ASH1L: variants seen among roughly 807,000 people sequenced by gnomAD.
ASH1L encodes the protein ASH1 like histone lysine methyltransferase, also known as histone-lysine N-methyltransferase ASH1L.
ASH1L carries 23 observed loss-of-function variants against 269.0 expected under a neutral mutation model. That is an observed-to-expected ratio of 0.09 (90% CI 0.06 to 0.12). The LOEUF (loss-of-function observed/expected upper bound fraction) is 0.12, where lower values mean the gene tolerates loss of function less well. ASH1L is among the 10% of genes least tolerant of loss of function. The pLI is 1.00. For missense variants in ASH1L, 2,912 were observed against 3,567.8 expected, an observed-to-expected ratio of 0.82 and a Z score of 4.68; for synonymous variants, 1,187 against 1,253.5, an observed-to-expected ratio of 0.95 and a Z score of 1.12.
At chr1:155,444,223 C>G (rs2148635988) in intron 4 of ASH1L, among the ~76,000 whole-genome samples, 1 of 152,216 alleles carries the variant, frequency 6.6e-6, no homozygotes, top group East Asian at 1.9e-4. Flanking sequence ...CTCAAATGAT[C>G]CACCTGCCTT....
At chr1:155,526,445 T>C (rs1405665320) in intron 1 of ASH1L, among the ~76,000 whole-genome samples, 1 of 152,224 alleles carries the variant, frequency 6.6e-6, no homozygotes, top group Admixed American at 6.5e-5. Flanking sequence ...ATTTTATACA[T>C]CTTCTGTCTC....
intron 5 of ASH1L, chr1:155,433,636 C>A (rs1236897260): frequency 1.2e-6 from 2 of 1,608,004 alleles, no homozygotes; most frequent in Non-Finnish European, 1.7e-6. Flanking sequence ...TTGCCAAGCT[C>A]CTGAAGCAGA....
intron 6 of ASH1L, chr1:155,396,428 C>T (rs966293454): frequency 2.0e-5 from 3 of 152,060 alleles, no homozygotes; most frequent in Non-Finnish European, 4.4e-5. Flanking sequence ...GGTTCTCCTG[C>T]CTTAGCTTCC....
At chr1:155,376,844 G>T (rs1289202725) in intron 10 of ASH1L, among the ~76,000 whole-genome samples, 1 of 149,928 alleles carries the variant, frequency 6.7e-6, no homozygotes, top group Non-Finnish European at 1.5e-5. Context: ...AACAGAGCTA[G>T]ACTCCATCTC....
At chr1:155,497,599 A>G (rs1667234429) in intron 2 of ASH1L, among the ~76,000 whole-genome samples, 1 of 152,212 alleles carries the variant, frequency 6.6e-6, no homozygotes, top group African/African-American at 2.4e-5. Context: ...CTTCTGGTCA[A>G]CAGTAGACTA....
chr1:155,452,042 ATT>A (rs562050378), intron 4 of ASH1L, among the ~76,000 whole-genome samples: 16 of 138,468 alleles, frequency 1.2e-4, no homozygotes, highest in South Asian at 2.3e-4. Context: ...TAAGATGGTA[ATT>A]TTTTTTTTTT....
At chr1:155,404,873 C>T (rs914845697) in intron 6 of ASH1L, among the ~76,000 whole-genome samples, 5 of 150,992 alleles carry the variant, frequency 3.3e-5, no homozygotes, top group African/African-American at 1.2e-4. Context: ...ACTAAAAACA[C>T]AAAAATCAGC....
intron 4 of ASH1L, among the ~76,000 whole-genome samples, chr1:155,443,540 T>C (rs151301522): frequency 1.5e-3 from 221 of 152,346 alleles, no homozygotes; most frequent in Non-Finnish European, 2.3e-3. Flanking sequence ...AACCAATATA[T>C]AGAACATTTC....
chr1:155,364,844 A>C (rs1655262645), intron 12 of ASH1L, among the ~76,000 whole-genome samples: 1 of 146,034 alleles, frequency 6.8e-6, no homozygotes, highest in South Asian at 2.3e-4. Flanking sequence ...CAGGAGGCTG[A>C]GGCAGGTGAA....
Position 155,562,636 on chromosome 1 carries a change from G to T in ASH1L, c.-583C>A. 4 of 1,526,172 alleles carry T rather than the reference G, an allele frequency of 2.6e-6. No homozygotes were observed. Among genetic ancestry groups the T allele is most frequent in the Non-Finnish European group, 3.5e-6 (4 of 1,140,620 alleles). 94.5% of individuals were successfully genotyped at this position (1,526,172 alleles called of 1,614,324 possible). On this transcript the variant is annotated 5_prime_UTR_variant, in exon 1 of 28. Coordinates refer to ENST00000392403, the MANE Select transcript of ASH1L (RefSeq NM_018489.3). ...TACGAGTGTCTACGGGCTCGTCGCT[G>T]GCTGCTCCCACCAACCACCACCTTC... is the stretch of plus-strand genomic sequence containing the variant.
At chr1:155,519,896 T>A (rs992194950) in intron 2 of ASH1L, among the ~76,000 whole-genome samples, 1 of 151,928 alleles carries the variant, frequency 6.6e-6, no homozygotes. Context: ...TGTCCTCAGG[T>A]GATCCACCTG....
intron 1 of ASH1L, among the ~76,000 whole-genome samples, chr1:155,540,684 G>A (rs987746036): frequency 2.0e-5 from 3 of 152,038 alleles, no homozygotes; most frequent in African/African-American, 4.8e-5. Flanking sequence ...TGGGAGGATC[G>A]CTTGAGCCTG....
Position 155,336,360 on chromosome 1 carries a change from TAC to T in ASH1L, c.*1298_*1299del, listed in dbSNP as rs148726843. ...GTGTGTGTGTGTGTGTGTATATATA[TAC>T]ACACACACATATATATATACACACA... On this transcript the variant is annotated 3_prime_UTR_variant, in exon 28 of 28. Transcript: ENST00000392403. 1 of 149,746 alleles carries T rather than the reference TAC, an allele frequency of 6.7e-6. No individual in the cohort carries two copies. The highest frequency in any genetic ancestry group is 2.5e-5 in the African/African-American group (1 of 40,530). 9.3% of individuals were successfully genotyped at this position (149,746 alleles called of 1,614,324 possible). A position where few individuals can be genotyped will look rare whatever the true frequency, so the allele number is the denominator to read the frequency against.
chr1:155,354,458 T>C lies in ASH1L; in HGVS notation c.7213+15A>G. 1 of 1,601,878 alleles carries C rather than the reference T, an allele frequency of 6.2e-7. No individual in the cohort carries two copies. On this transcript the variant is annotated intron_variant, in intron 16 of 27. Transcript: ENST00000392403. ...AACTCTGTCTCAAAAAAAAGAAATG[T>C]TTCAAATGCCTTACCAGACTTGATA... is the stretch of plus-strand genomic sequence containing the variant.
At chr1:155,464,507 A>G (rs888941152) in intron 3 of ASH1L, among the ~76,000 whole-genome samples, 15 of 152,092 alleles carry the variant, frequency 9.9e-5, no homozygotes, top group African/African-American at 3.4e-4. Flanking sequence ...TAGAAATTAT[A>G]GGCAAGCTGC....
intron 5 of ASH1L, among the ~76,000 whole-genome samples, chr1:155,416,955 G>A (rs1184723784): frequency 3.6e-5 from 5 of 139,480 alleles, no homozygotes; most frequent in African/African-American, 5.4e-5. Flanking sequence ...TTTTTGAGAC[G>A]GAGACTTGCT....
At chr1:155,484,013 G>A (rs761994693) in intron 2 of ASH1L, among the ~76,000 whole-genome samples, 48 of 151,992 alleles carry the variant, frequency 3.2e-4, no homozygotes, top group Non-Finnish European at 5.9e-4. Context: ...TATGCCTACC[G>A]ATTATATTTT....
chr1:155,395,838 T>A (rs1048586325), intron 6 of ASH1L, among the ~76,000 whole-genome samples: 11 of 151,064 alleles, frequency 7.3e-5, no homozygotes, highest in Non-Finnish European at 1.6e-4. Context: ...TCTCTACTTT[T>A]AAAAAAAAAG....
intron 3 of ASH1L, among the ~76,000 whole-genome samples, chr1:155,462,109 C>T (rs1170860282): frequency 2.0e-5 from 3 of 151,964 alleles, no homozygotes; most frequent in Non-Finnish European, 2.9e-5. Context: ...CCTAAGAGCA[C>T]TTTTTATATA....
Sources: gnomAD v4.1 joint callset for allele counts (sites outside exome capture counted in the v4.1 genomes callset) on GRCh38, gnomAD v4.1.1 for gene constraint, MANE v1.5 for transcripts, NCBI Gene and HGNC (gene_info 2026-07-23, HGNC 2026-07-21) for gene names.